DHX35: variants seen among roughly 807,000 people sequenced by gnomAD.
The protein encoded by DHX35 is probable ATP-dependent RNA helicase DHX35.
A neutral mutation model predicts 99.6 loss-of-function variants in DHX35; 84 were observed. That is an observed-to-expected ratio of 0.84 (90% confidence interval 0.71 to 1.01). The LOEUF (loss-of-function observed/expected upper bound fraction) is 1.01, where lower values mean the gene tolerates loss of function less well. Ranked by LOEUF, DHX35 falls within the 50% of genes least tolerant of loss-of-function variation. The probability of loss-of-function intolerance (pLI) is 0.00; values close to 1 mark genes in which losing one functional copy is unlikely to be tolerated. For synonymous variants in DHX35, 331 were observed against 316.2 expected, an observed-to-expected ratio of 1.05 and a Z score of -0.50; for missense variants, 852 against 888.5, an observed-to-expected ratio of 0.96 and a Z score of 0.52.
At chr20:39,021,705 T>C (rs1185355925) in intron 15 of DHX35, 136 bp from the exon 16 acceptor site, 3 of 853,046 alleles carry the variant, frequency 3.5e-6, no homozygotes, top group Admixed American at 1.9e-5. Context: ...TTATATACTA[T>C]ACACTTTAAA....
intron 4 of DHX35, among the ~76,000 whole-genome samples, chr20:38,984,879 G>C (rs2086226679): frequency 6.7e-6 from 1 of 150,216 alleles, no homozygotes; most frequent in Middle Eastern, 3.4e-3. Context: ...TGTATTGGCT[G>C]AATTTTATCA....
intron 8 of DHX35, among the ~76,000 whole-genome samples, chr20:38,998,812 T>C (rs988906586): frequency 6.6e-6 from 1 of 152,326 alleles, no homozygotes; most frequent in African/African-American, 2.4e-5. Context: ...TCTTTTTGTT[T>C]TGAGACAGAG....
rs748800779 is a variant in DHX35, at chr20:38,972,624, A to T, written c.240A>T (p.Gly80=). 12 of 1,612,544 alleles carry T rather than the reference A, an allele frequency of 7.4e-6. 1 individual carries two copies. In the South Asian group the frequency reaches 9.9e-5, roughly 13 times the overall value. ...YQTVVIVGET[G]CGKSTQIPQY... The stretch of plus-strand genomic sequence containing the variant: ...CAGTGGTGATTGTTGGTGAAACAGG[A>T]TGTGGGAAGAGCACACAGATTCCTC... The change falls in exon 3 of 22, where the codon GGA becomes GGT. Residue 80 remains glycine (G), a synonymous_variant. Transcript: ENST00000252011.
chr20:39,019,382 T>C (rs2145927370), intron 15 of DHX35, among the ~76,000 whole-genome samples: 1 of 152,344 alleles, frequency 6.6e-6, no homozygotes, highest in Admixed American at 6.5e-5. Flanking sequence ...TTTTATTGTA[T>C]ATCTATACCA....
At chr20:38,983,092 C>T (rs868260044) in intron 3 of DHX35, among the ~76,000 whole-genome samples, 1 of 151,992 alleles carries the variant, frequency 6.6e-6, no homozygotes, top group East Asian at 1.9e-4. Flanking sequence ...CACCCACCTA[C>T]GTTTTTATAT....
intron 17 of DHX35, 105 bp from the exon 18 acceptor site, chr20:39,025,125 C>G: frequency 7.6e-7 from 1 of 1,316,412 alleles, no homozygotes. Context: ...AGATCTTATG[C>G]CGTTGAACAG....
chr20:39,004,004 TTCTAGGTCCATATTTCTGTG>T, intron 11 of DHX35, 97 bp downstream of exon 11: 1 of 1,356,406 alleles, frequency 7.4e-7, no homozygotes, highest in Non-Finnish European at 1.0e-6. Flanking sequence ...CAAGGCAGAC[TTCTAGGTCCATATTTCTGTG>T]TAGTAGATCT....
chr20:39,022,156 T>TTTTA (rs996344811), intron 16 of DHX35, among the ~76,000 whole-genome samples: 6 of 151,998 alleles, frequency 3.9e-5, no homozygotes, highest in East Asian at 3.9e-4. Context: ...TATTATCATA[T>TTTTA]TTTATTTATT....
intron 4 of DHX35, among the ~76,000 whole-genome samples, chr20:38,985,342 G>A (rs915675848): frequency 1.4e-5 from 2 of 139,766 alleles, no homozygotes; most frequent in African/African-American, 5.4e-5. Flanking sequence ...AGTTATGATC[G>A]TGTCATTGTA....
chr20:39,013,301 A>G (rs1366084424), intron 13 of DHX35, among the ~76,000 whole-genome samples: 1 of 152,214 alleles, frequency 6.6e-6, no homozygotes, highest in Non-Finnish European at 1.5e-5. Context: ...AAGAAAATTG[A>G]CTTTTTTATG....
chr20:38,985,138 A>G (rs1273045440), intron 4 of DHX35, among the ~76,000 whole-genome samples: 4 of 152,050 alleles, frequency 2.6e-5, no homozygotes, highest in African/African-American at 9.7e-5. Flanking sequence ...TTCCCAGCAC[A>G]TTGGGAGGCC....
intron 9 of DHX35, 151 bp downstream of exon 9, chr20:39,001,993 T>C (rs1345472978): frequency 1.4e-6 from 1 of 720,042 alleles, no homozygotes; most frequent in African/African-American, 1.8e-5. Flanking sequence ...CTTACCCTGC[T>C]CCGGATCACT....
At chr20:39,033,194 C>G (rs1221817608) in intron 20 of DHX35, among the ~76,000 whole-genome samples, 1 of 152,114 alleles carries the variant, frequency 6.6e-6, no homozygotes, top group Non-Finnish European at 1.5e-5. Context: ...CATGATTGCA[C>G]CACTGCACTC....
intron 18 of DHX35, 36 bp downstream of exon 18, chr20:39,025,395 G>A (rs1445629017): frequency 1.2e-6 from 2 of 1,605,048 alleles, no homozygotes; most frequent in African/African-American, 1.3e-5. Flanking sequence ...GACCTCCCTT[G>A]CTTCATTCTG....
intron 2 of DHX35, among the ~76,000 whole-genome samples, chr20:38,970,726 A>G (rs1213784650): frequency 1.3e-5 from 2 of 152,242 alleles, no homozygotes; most frequent in Admixed American, 6.5e-5. Context: ...CCTGACATGT[A>G]GTAAATGCTC....
At chr20:38,993,930 G>C (rs1248234524) in intron 7 of DHX35, among the ~76,000 whole-genome samples, 1 of 152,150 alleles carries the variant, frequency 6.6e-6, no homozygotes, top group Non-Finnish European at 1.5e-5. Flanking sequence ...ATTAGAAAAA[G>C]ATGTTCCCTC....
chr20:39,027,219 T>A (rs753137475), intron 18 of DHX35, among the ~76,000 whole-genome samples: 3 of 152,208 alleles, frequency 2.0e-5, no homozygotes, highest in Non-Finnish European at 4.4e-5. Context: ...ACATGTAGAT[T>A]TGAGATTTTA....
intron 21 of DHX35, among the ~76,000 whole-genome samples, chr20:39,034,537 G>GA (rs933202669): frequency 6.7e-6 from 1 of 148,810 alleles, no homozygotes; most frequent in South Asian, 2.1e-4. Context: ...AATCTCATAA[G>GA]AAAAAAAAGG....
intron 3 of DHX35, among the ~76,000 whole-genome samples, chr20:38,980,417 G>C (rs1288684413): frequency 6.6e-6 from 1 of 151,786 alleles, no homozygotes; most frequent in Non-Finnish European, 1.5e-5. Context: ...TTTGTTTTGA[G>C]GATTAAATGG....
Sources: allele counts gnomAD v4.1 joint callset (sites outside exome capture counted in the v4.1 genomes callset), GRCh38; gene constraint gnomAD v4.1.1; transcripts MANE v1.5; gene names NCBI Gene and HGNC (gene_info 2026-07-23, HGNC 2026-07-21).